Variants in RFX3 observed in about 807,000 individuals in gnomAD.
The protein encoded by RFX3 is regulatory factor X3, also known as transcription factor RFX3.
Under a neutral mutation model 98.6 loss-of-function variants are expected in RFX3, and 14 were observed. The ratio of observed to expected loss-of-function variants is 0.14; its 90% CI spans 0.09 to 0.22. The LOEUF is 0.22. RFX3 is among the 10% of genes least tolerant of loss of function. The pLI is 1.00. For missense variants in RFX3, 639 were observed against 926.9 expected (o/e 0.69, Z 4.03); for synonymous variants, 383 against 328.4 (o/e 1.17, Z -1.80).
intron 1 of RFX3, among the ~76,000 whole-genome samples, chr9:3,398,909 T>TATA (rs1394936584): frequency 1.4e-5 from 1 of 70,188 alleles, no homozygotes; most frequent in African/African-American, 1.1e-4. Flanking sequence ...AAACTTAGAG[T>TATA]ATAATAAAAA....
At chr9:3,388,146 GCAAA>G (rs983550854) in intron 2 of RFX3, among the ~76,000 whole-genome samples, 13 of 152,146 alleles carry the variant, frequency 8.5e-5, no homozygotes, top group African/African-American at 2.9e-4. Flanking sequence ...TCAGAATATG[GCAAA>G]CAGAAGTGAA....
Position 3,261,624 on chromosome 9 carries a change from T to G in RFX3, c.1605+1311A>C, listed in dbSNP as rs563591170. Among the ~76,000 whole-genome samples, 4 of 152,270 alleles carry G rather than the reference T, an allele frequency of 2.6e-5. No individual in the cohort carries two copies. The East Asian group carries it at 7.7e-4, about 29-fold the overall frequency. ...TGTTATGAACCTCTATGTATAAGTTTTGTGTGGACATGATTTCATTTCTCT... is the reference window on the plus strand; with the variant it reads ...TGTTATGAACCTCTATGTATAAGTTGTGTGTGGACATGATTTCATTTCTCT... On this transcript the variant is annotated intron_variant, in intron 13 of 16. Coordinates refer to ENST00000617270, the MANE Select transcript of RFX3 (RefSeq NM_001282116.2).
chr9:3,503,901 A>T (rs1203125739), intron 1 of RFX3, among the ~76,000 whole-genome samples: 2 of 151,712 alleles, frequency 1.3e-5, no homozygotes, highest in African/African-American at 2.4e-5. Flanking sequence ...TAACCAACCA[A>T]ATTAGCAGTC....
chr9:3,441,813 T>C (rs1845633546), intron 1 of RFX3, among the ~76,000 whole-genome samples: 1 of 152,098 alleles, frequency 6.6e-6, no homozygotes, highest in South Asian at 2.1e-4. Context: ...CATAAAACCC[T>C]CTATAAAACT....
At chr9:3,330,559 T>G (rs769270076) in intron 3 of RFX3, 42 bp from the exon 4 acceptor site, 2 of 1,541,560 alleles carry the variant, frequency 1.3e-6, no homozygotes, top group South Asian at 2.4e-5. Flanking sequence ...AGCTTATTTA[T>G]GTCATCTTAT....
intron 2 of RFX3, among the ~76,000 whole-genome samples, chr9:3,368,656 A>G (rs923861700): frequency 9.9e-5 from 15 of 152,192 alleles, no homozygotes; most frequent in African/African-American, 3.4e-4. Flanking sequence ...CTAATTACCA[A>G]AGTGTCCCTG....
chr9:3,450,308 G>T (rs1364986439), intron 1 of RFX3, among the ~76,000 whole-genome samples: 1 of 152,010 alleles, frequency 6.6e-6, no homozygotes, highest in Non-Finnish European at 1.5e-5. Context: ...ATATAACAGG[G>T]AACGTCTCTT....
chr9:3,421,408 T>C (rs1304826802), intron 1 of RFX3, among the ~76,000 whole-genome samples: 1 of 152,136 alleles, frequency 6.6e-6, no homozygotes, highest in African/African-American at 2.4e-5. Flanking sequence ...ATAAACTTTA[T>C]TAAAGAAAAA....
At chr9:3,356,777 TC>T (rs1835821568) in intron 2 of RFX3, among the ~76,000 whole-genome samples, 1 of 151,724 alleles carries the variant, frequency 6.6e-6, no homozygotes. Flanking sequence ...GGACAATAAA[TC>T]ATAATCAGGT....
rs776795863 is a variant in RFX3, at chr9:3,257,176, C to T, written c.1629G>A (p.Gln543=). ...GTCTCTGAACCATGTTGTCATCACA[C>T]TGGCACACCCAGGAAGCCTGCTCCT... ...NVQEQASWVC[Q]CDDNMVQRLE... Residue 543 remains glutamine (Q), a synonymous_variant, in exon 14 of 17, where the codon CAG becomes CAA. Transcript: ENST00000617270. 3.1e-6 allele frequency: 5 copies of T among 1,613,866 alleles called. No individual in the cohort carries two copies. Among genetic ancestry groups the T allele is most frequent in the East Asian group, 2.2e-5 (1 of 44,854 alleles).
chr9:3,342,614 G>A (rs7855364), intron 3 of RFX3, among the ~76,000 whole-genome samples: 9,856 of 151,864 alleles, frequency 0.065, 889 homozygotes, highest in African/African-American at 0.2. Flanking sequence ...ATGTAGGAGC[G>A]AGTGGGGGAA....
chr9:3,346,123 A>G (rs1449336498), intron 3 of RFX3, among the ~76,000 whole-genome samples: 1 of 152,200 alleles, frequency 6.6e-6, no homozygotes, highest in Admixed American at 6.5e-5. Context: ...AATAAAATAA[A>G]TTTACAAATT....
chr9:3,508,095 T>A (rs1817289288), intron 1 of RFX3, among the ~76,000 whole-genome samples: 1 of 152,022 alleles, frequency 6.6e-6, no homozygotes, highest in African/African-American at 2.4e-5. Context: ...AACTCTGAGC[T>A]ATTTCTAAAA....
chr9:3,311,190 T>C lies in RFX3; in HGVS notation c.475-9570A>G, dbSNP rs143487028. 6.2e-4 allele frequency among the ~76,000 whole-genome samples: 95 copies of C among 152,378 alleles called. 1 individual carries two copies. Among genetic ancestry groups the C allele is most frequent in the Non-Finnish European group, 1.8e-4 (12 of 68,044 alleles). On this transcript the variant is annotated intron_variant, in intron 4 of 16. Transcript: ENST00000617270. Reference sequence around the variant, plus strand: ...TTTTAGAGAAACTTAATGAAGAGGATACACTTAAAACCAGGAATTTCTTTC... The same window carrying C: ...TTTTAGAGAAACTTAATGAAGAGGACACACTTAAAACCAGGAATTTCTTTC...
At chr9:3,493,493 G>A (rs1193762668) in intron 1 of RFX3, among the ~76,000 whole-genome samples, 1 of 151,646 alleles carries the variant, frequency 6.6e-6, no homozygotes, top group Non-Finnish European at 1.5e-5. Context: ...GACCATTCTG[G>A]CTAACATGGT....
In RFX3 at chr9:3,224,941, T is replaced by C. The variant is rs905657644; in HGVS notation, c.*101A>G. 2.0e-5 allele frequency: 23 copies of C among 1,168,422 alleles called. No individual in the cohort carries two copies. Among genetic ancestry groups the C allele is most frequent in the South Asian group, 8.5e-5 (6 of 70,486 alleles). 72.4% of individuals were successfully genotyped at this position (1,168,422 alleles called of 1,614,324 possible). On this transcript the variant is annotated 3_prime_UTR_variant, in exon 17 of 17. Coordinates refer to ENST00000617270, the MANE Select transcript of RFX3 (RefSeq NM_001282116.2). ...CCAAAAAGTTAATGTTCAGCACAGA[T>C]AGAATTTGACAACAGTCGACCTTCA...
intron 1 of RFX3, among the ~76,000 whole-genome samples, chr9:3,500,257 C>T (rs1815838092): frequency 6.6e-6 from 1 of 151,812 alleles, no homozygotes; most frequent in Admixed American, 6.6e-5. Context: ...TGAAACAGCG[C>T]ATAGCAAAGC....
chr9:3,399,273 TAAAAAAAA>T (rs35058002), intron 1 of RFX3, among the ~76,000 whole-genome samples: 1 of 118,312 alleles, frequency 8.5e-6, no homozygotes, highest in African/African-American at 3.2e-5. Context: ...TGTCTCTGCT[TAAAAAAAA>T]AAAAAAAAAA....
intron 1 of RFX3, among the ~76,000 whole-genome samples, chr9:3,473,033 T>A (rs141020663): frequency 0.015 from 2,311 of 152,194 alleles, 39 homozygotes; most frequent in Admixed American, 0.033. Flanking sequence ...AATAGCTCAA[T>A]CAAAACTCCA....
Sources: allele counts gnomAD v4.1 joint callset (sites outside exome capture counted in the v4.1 genomes callset), GRCh38; gene constraint gnomAD v4.1.1; transcripts MANE v1.5; gene names NCBI Gene and HGNC (gene_info 2026-07-23, HGNC 2026-07-21).